Variants in VAV1 observed in about 807,000 individuals in gnomAD.
The protein encoded by VAV1 is proto-oncogene vav.
A neutral mutation model predicts 128.1 loss-of-function variants in VAV1; 33 were observed. The observed-to-expected ratio is 0.26, with a 90% CI of 0.20 to 0.34. The LOEUF (loss-of-function observed/expected upper bound fraction) is 0.34, where lower values mean the gene tolerates loss of function less well. Ranked by LOEUF, VAV1 falls within the 10% of genes least tolerant of loss-of-function variation. The pLI is 1.00. For missense variants in VAV1, 715 were observed against 1,093.7 expected, an observed-to-expected ratio of 0.65 and a Z score of 4.88; for synonymous variants, 394 against 409.8, an observed-to-expected ratio of 0.96 and a Z score of 0.47.
At chr19:6,773,823 G>C (rs910258339) in intron 1 of VAV1, among the ~76,000 whole-genome samples, 1 of 152,130 alleles carries the variant, frequency 6.6e-6, no homozygotes, top group Non-Finnish European at 1.5e-5. Flanking sequence ...TTATGTTGCT[G>C]TAGCATCATG....
At chr19:6,808,034 C>G (rs1185993000) in intron 1 of VAV1, among the ~76,000 whole-genome samples, 1 of 149,758 alleles carries the variant, frequency 6.7e-6, no homozygotes, top group Non-Finnish European at 1.5e-5. Context: ...AAAAAAAGGC[C>G]GGGCGCGGTG....
At chr19:6,838,775 G>A (rs145085111) in intron 21 of VAV1, among the ~76,000 whole-genome samples, 1 of 152,104 alleles carries the variant, frequency 6.6e-6, no homozygotes, top group Non-Finnish European at 1.5e-5. Flanking sequence ...TGTCACCTAG[G>A]CTGGAGTGCA....
Position 6,822,628 on chromosome 19 carries a change from T to A in VAV1, c.654+114T>A, listed in dbSNP as rs1971822142. 8.1e-6 allele frequency: 7 copies of A among 866,130 alleles called. No homozygotes were observed. The highest frequency in any genetic ancestry group is 1.0e-5 in the Non-Finnish European group (6 of 574,762). The allele number at this position is 866,130 out of a possible 1,614,324, so 53.7% of individuals were successfully genotyped here. ...GCTGAGGATTTCCTGCTCCCATCGC[T>A]TTTCCTTTCTGTGACTGTCTCCGTC... On this transcript the variant is annotated intron_variant, in intron 6 of 26. Transcript: ENST00000602142. This position sits in a 1 kb window ranked among gnomAD's most constrained non-coding sequence, Gnocchi z 5.9.
At chr19:6,832,266 A>G (rs532255935) in intron 15 of VAV1, 66 bp downstream of exon 15, 19 of 1,472,034 alleles carry the variant, frequency 1.3e-5, no homozygotes, top group Non-Finnish European at 1.7e-5. Flanking sequence ...GAGGAACGTG[A>G]TCTAGTCCCT....
At chr19:6,851,080 TTTAC>T (rs1020300870) in intron 24 of VAV1, among the ~76,000 whole-genome samples, 1 of 152,036 alleles carries the variant, frequency 6.6e-6, no homozygotes, top group African/African-American at 2.4e-5. Context: ...GTATTTAAAT[TTTAC>T]TTACGTATAT....
intron 1 of VAV1, among the ~76,000 whole-genome samples, chr19:6,799,156 GT>G (rs1022401418): frequency 6.6e-6 from 1 of 151,794 alleles, no homozygotes; most frequent in African/African-American, 2.4e-5. Context: ...CTTGATGGAG[GT>G]TTTTTTGTTT....
chr19:6,824,941 G>A lies in VAV1; in HGVS notation c.655-112G>A, dbSNP rs559196497. 590 of 1,129,796 alleles carry A rather than the reference G, an allele frequency of 5.2e-4. 5 individuals are homozygous for A. Among genetic ancestry groups the A allele is most frequent in the Middle Eastern group, 4.2e-3 (21 of 4,982 alleles). 70.0% of individuals were successfully genotyped at this position (1,129,796 alleles called of 1,614,324 possible). On this transcript the variant is annotated intron_variant, in intron 6 of 26. Coordinates refer to ENST00000602142, the MANE Select transcript of VAV1 (RefSeq NM_005428.4). ...ACATTCTTGTACAAGTTTTTGTGTG[G>A]ACGCGCTGCCTCTCTTTATCTCCCT...
chr19:6,826,998 C>G lies in VAV1; in HGVS notation c.927+287C>G. Reference sequence around the variant, plus strand: ...CCCAGCCCTGGGCTGAGCCCTAGCACTGATTGTACCCCAAGTCGGGCTGAG... The same window carrying G: ...CCCAGCCCTGGGCTGAGCCCTAGCAGTGATTGTACCCCAAGTCGGGCTGAG... On this transcript the variant is annotated intron_variant, in intron 9 of 26. Coordinates refer to ENST00000602142, the MANE Select transcript of VAV1 (RefSeq NM_005428.4). This position sits in a 1 kb window ranked among gnomAD's most constrained non-coding sequence, Gnocchi z 4.1. 2.4e-6 allele frequency: 1 copy of G among 419,592 alleles called. No homozygotes were observed. Among genetic ancestry groups the G allele is most frequent in the Non-Finnish European group, 4.4e-6 (1 of 226,416 alleles). The allele number at this position is 419,592 out of a possible 1,614,324, so 26.0% of individuals were successfully genotyped here.
chr19:6,812,244 C>G (rs1971529749), intron 1 of VAV1, among the ~76,000 whole-genome samples: 1 of 152,164 alleles, frequency 6.6e-6, no homozygotes, highest in African/African-American at 2.4e-5. Flanking sequence ...GGCTTGGAGG[C>G]AGTAACACTC....
Position 6,857,276 on chromosome 19 carries a change from A to G in VAV1, c.*169A>G. ...TCCCGGGATGTGCCCTGACATGGTT[A>G]ATTTATAACACCCCGATTTCCTCTT... is the stretch of plus-strand genomic sequence containing the variant. On this transcript the variant is annotated 3_prime_UTR_variant, in exon 27 of 27. Transcript: ENST00000602142. The G allele has an allele frequency of 1.3e-6, 1 of 799,494 alleles. No homozygotes were observed. Among genetic ancestry groups the G allele is most frequent in the South Asian group, 1.8e-5 (1 of 54,670 alleles). The allele number at this position is 799,494 out of a possible 1,614,324, so 49.5% of individuals were successfully genotyped here.
At position 6,826,654 on chromosome 19, in the gene VAV1, C is replaced by T. The variant is rs1288529255; in HGVS notation, c.870C>T (p.Ala290=). Residue 290 remains alanine, a synonymous_variant, in exon 9 of 27, where the codon GCC becomes GCT. Transcript: ENST00000602142. This position sits in a 1 kb window ranked among gnomAD's most constrained non-coding sequence, Gnocchi z 4.1. ...GCTACTGCAGCCAGGTGGAGTCAGC[C>T]AGCAAACACCTGGACCGTGTGGCCG... ...YGRYCSQVES[A]SKHLDRVAAA... is the part of the protein sequence containing the mutation. The T allele has an allele frequency of 1.3e-6, 2 of 1,562,372 alleles. No individual in the cohort carries two copies. The highest frequency in any genetic ancestry group is 2.7e-5 in the African/African-American group (2 of 73,662).
intron 1 of VAV1, among the ~76,000 whole-genome samples, chr19:6,802,002 G>T (rs1463754579): frequency 6.8e-5 from 10 of 146,758 alleles, no homozygotes; most frequent in Admixed American, 6.3e-4. Context: ...CACTGAGGGG[G>T]GTTGCCCCCA....
At chr19:6,800,934 ATC>A (rs1395508893) in intron 1 of VAV1, among the ~76,000 whole-genome samples, 1 of 152,004 alleles carries the variant, frequency 6.6e-6, no homozygotes, top group African/African-American at 2.4e-5. Flanking sequence ...GCCGCTCACC[ATC>A]TCTTTGTCGC....
chr19:6,833,813 TG>T lies in VAV1; in HGVS notation c.1731+83del, dbSNP rs1342071178. On this transcript the variant is annotated intron_variant, in intron 18 of 26. Transcript: ENST00000602142. ...GGGAGGACCCAGGACATCCTGGAACTGGGCAGGATCCTTTGTGGGGTGAGGA... is the reference window on the plus strand; with the variant it reads ...GGGAGGACCCAGGACATCCTGGAACTGGCAGGATCCTTTGTGGGGTGAGGA... 9.3e-6 allele frequency: 15 copies of T among 1,613,100 alleles called. No individual in the cohort carries two copies. In the South Asian group the frequency reaches 1.1e-4, roughly 12 times the overall value.
chr19:6,803,577 T>C (rs565518177), intron 1 of VAV1, among the ~76,000 whole-genome samples: 1 of 152,302 alleles, frequency 6.6e-6, no homozygotes, highest in South Asian at 2.1e-4. Flanking sequence ...TTATTATTAT[T>C]ATTAGAGATG....
At position 6,852,968 on chromosome 19, in the gene VAV1, C is replaced by T. The variant is rs748848963; in HGVS notation, c.2221C>T (p.Leu741=). ...TGCCATGTGGTCCGCCTTCTAGGAG[C>T]TGGTGGAGTTTTACCAGCAGAACTC... is the stretch of plus-strand genomic sequence containing the variant. The part of the protein sequence containing the change: ...EKKAFRGLTE[L]VEFYQQNSLK... The change falls in exon 25 of 27, where the codon CTG becomes TTG. Residue 741 remains leucine (L), a synonymous_variant. Transcript: ENST00000602142. 1 of 1,608,692 alleles carries T rather than the reference C, an allele frequency of 6.2e-7. No homozygotes were observed. Among genetic ancestry groups the T allele is most frequent in the Non-Finnish European group, 8.5e-7 (1 of 1,176,526 alleles).
chr19:6,788,766 C>T (rs1212125139), intron 1 of VAV1, among the ~76,000 whole-genome samples: 3 of 152,142 alleles, frequency 2.0e-5, no homozygotes, highest in Non-Finnish European at 4.4e-5. Flanking sequence ...ATACCATGCT[C>T]TGATGGGCCA....
intron 1 of VAV1, among the ~76,000 whole-genome samples, chr19:6,799,500 C>T (rs113860556): frequency 0.03 from 4,510 of 152,148 alleles, 228 homozygotes; most frequent in African/African-American, 0.1. Context: ...ATGTGCAGAA[C>T]GTGCAGGTTT....
At chr19:6,778,738 A>AAAAC (rs889142867) in intron 1 of VAV1, among the ~76,000 whole-genome samples, 1 of 152,050 alleles carries the variant, frequency 6.6e-6, no homozygotes, top group African/African-American at 2.4e-5. Context: ...AAAACAAAAC[A>AAAAC]AAACAAAACA....
Sources: allele counts gnomAD v4.1 joint callset (sites outside exome capture counted in the v4.1 genomes callset), GRCh38; gene constraint gnomAD v4.1.1; non-coding constraint Gnocchi (gnomAD v3.1); transcripts MANE v1.5; gene names NCBI Gene and HGNC (gene_info 2026-07-23, HGNC 2026-07-21).